Variants in FSHR observed in about 807,000 individuals in gnomAD.
The protein encoded by FSHR is follicle stimulating hormone receptor, also known as follicle-stimulating hormone receptor.
In FSHR, 46 loss-of-function variants were observed where a neutral mutation model predicts 52.1. That is an observed-to-expected ratio of 0.88 (90% CI 0.70 to 1.13). The LOEUF is 1.13. Among genes scored for constraint, FSHR ranks in the 50% most tolerant of loss-of-function variants. The pLI is 0.00. For missense variants in FSHR, 964 were observed against 834.6 expected, an observed-to-expected ratio of 1.16 and a Z score of -1.91; for synonymous variants, 399 against 309.6, an observed-to-expected ratio of 1.29 and a Z score of -3.03.
chr2:49,090,827 C>T (rs1458998006), intron 1 of FSHR, among the ~76,000 whole-genome samples: 1 of 152,030 alleles, frequency 6.6e-6, no homozygotes, highest in Non-Finnish European at 1.5e-5. Flanking sequence ...TTTTATCACA[C>T]TGTGGTTTTA....
At chr2:49,060,226 C>G (rs1454423795) in intron 2 of FSHR, among the ~76,000 whole-genome samples, 3 of 151,994 alleles carry the variant, frequency 2.0e-5, no homozygotes, top group Admixed American at 2.0e-4. Context: ...GGTACCCTTA[C>G]ATATTGTTCG....
At chr2:49,082,141 C>T (rs947822595) in intron 1 of FSHR, among the ~76,000 whole-genome samples, 111 of 152,282 alleles carry the variant, frequency 7.3e-4, no homozygotes, top group African/African-American at 2.5e-3. Flanking sequence ...TCTCCCAGCA[C>T]GCAGCTGGAG....
chr2:49,027,982 T>A (rs1667968037), intron 2 of FSHR, among the ~76,000 whole-genome samples: 1 of 152,048 alleles, frequency 6.6e-6, no homozygotes, highest in Non-Finnish European at 1.5e-5. Context: ...TTCCTAGTGA[T>A]GAAAGACAAG....
intron 1 of FSHR, among the ~76,000 whole-genome samples, chr2:49,080,076 C>T (rs1046839021): frequency 4.6e-5 from 7 of 151,834 alleles, no homozygotes; most frequent in East Asian, 3.9e-4. Flanking sequence ...AAAATGCAAA[C>T]GATCAATAAA....
intron 8 of FSHR, among the ~76,000 whole-genome samples, chr2:48,980,654 C>G: frequency 6.6e-6 from 1 of 152,152 alleles, no homozygotes; most frequent in Non-Finnish European, 1.5e-5. Context: ...TTCAGGGGGC[C>G]TCACCGAATA....
At chr2:49,015,316 G>C (rs915085304) in intron 4 of FSHR, among the ~76,000 whole-genome samples, 3 of 152,170 alleles carry the variant, frequency 2.0e-5, no homozygotes, top group Non-Finnish European at 4.4e-5. Context: ...GTAGGTAAAA[G>C]CTGAAGGTCT....
intron 2 of FSHR, among the ~76,000 whole-genome samples, chr2:49,029,016 G>T (rs1448461830): frequency 1.3e-5 from 2 of 152,196 alleles, no homozygotes; most frequent in African/African-American, 4.8e-5. Context: ...CATCAGGGCA[G>T]GGTAAGAGTT....
chr2:49,146,902 G>T (rs1290275289), intron 1 of FSHR, among the ~76,000 whole-genome samples: 1 of 151,974 alleles, frequency 6.6e-6, no homozygotes, highest in Admixed American at 6.6e-5. Flanking sequence ...GGGCTCAGCT[G>T]TGCATTCTTG....
intron 1 of FSHR, among the ~76,000 whole-genome samples, chr2:49,110,317 G>T (rs1671378482): frequency 1.3e-5 from 2 of 152,130 alleles, no homozygotes; most frequent in Non-Finnish European, 2.9e-5. Context: ...GGAAGTGGTG[G>T]TCTCAAGATT....
intron 1 of FSHR, among the ~76,000 whole-genome samples, chr2:49,093,294 A>T (rs1255007420): frequency 6.6e-6 from 1 of 152,224 alleles, no homozygotes; most frequent in African/African-American, 2.4e-5. Flanking sequence ...TAGGAGTGTT[A>T]AAACGTCCAA....
At chr2:49,010,414 GCTGGATTCAGTTT>G (rs948154421) in intron 4 of FSHR, among the ~76,000 whole-genome samples, 45 of 152,202 alleles carry the variant, frequency 3.0e-4, no homozygotes, top group Non-Finnish European at 1.6e-4. Context: ...TTGATGTGTT[GCTGGATTCAGTTT>G]GCCAGTATTT....
intron 1 of FSHR, among the ~76,000 whole-genome samples, chr2:49,133,831 T>C (rs1672387564): frequency 6.6e-6 from 1 of 152,202 alleles, no homozygotes; most frequent in African/African-American, 2.4e-5. Flanking sequence ...GGATTCCCTA[T>C]TTAATAAATG....
At chr2:49,137,046 C>T (rs1190661541) in intron 1 of FSHR, among the ~76,000 whole-genome samples, 1 of 152,042 alleles carries the variant, frequency 6.6e-6, no homozygotes, top group Non-Finnish European at 1.5e-5. Flanking sequence ...AAAAGGCATA[C>T]AGACTAGAAA....
intron 4 of FSHR, among the ~76,000 whole-genome samples, chr2:49,014,386 C>G (rs573491095): frequency 6.6e-6 from 1 of 152,096 alleles, no homozygotes; most frequent in South Asian, 2.1e-4. Context: ...CAAAGTGAGA[C>G]AGAAAGACAC....
At chr2:48,973,399 G>T (rs1470059790) in intron 8 of FSHR, among the ~76,000 whole-genome samples, 1 of 152,208 alleles carries the variant, frequency 6.6e-6, no homozygotes, top group Non-Finnish European at 1.5e-5. Context: ...AGCTGACATT[G>T]CATGGATCAG....
chr2:49,107,721 A>G (rs1331469243), intron 1 of FSHR, among the ~76,000 whole-genome samples: 3 of 152,186 alleles, frequency 2.0e-5, no homozygotes, highest in Admixed American at 2.0e-4. Flanking sequence ...CTACAAAGTA[A>G]GAACTACTAT....
chr2:49,064,059 A>G lies in FSHR; in HGVS notation c.224+4160T>C, dbSNP rs558055808. ...ACAAAAAAAGTGGTAAGGCATGAAG[A>G]GTTTGTGTGTGTGTGTGTGTGTGTG... On this transcript the variant is annotated intron_variant, in intron 2 of 9. Coordinates refer to ENST00000406846, the MANE Select transcript of FSHR (RefSeq NM_000145.4). 2.0e-4 allele frequency among the ~76,000 whole-genome samples: 22 copies of G among 109,492 alleles called. 1 individual carries two copies. In the South Asian group the frequency reaches 6.4e-3, roughly 32 times the overall value. 71.8% of individuals were successfully genotyped at this position (109,492 alleles called of 152,430 possible).
At chr2:49,085,170 G>T in intron 1 of FSHR, among the ~76,000 whole-genome samples, 1 of 152,064 alleles carries the variant, frequency 6.6e-6, no homozygotes, top group Non-Finnish European at 1.5e-5. Flanking sequence ...CTTCATCCCT[G>T]GGATGCAAGG....
At chr2:49,032,933 C>T (rs1208111286) in intron 2 of FSHR, among the ~76,000 whole-genome samples, 1 of 152,104 alleles carries the variant, frequency 6.6e-6, no homozygotes, top group Non-Finnish European at 1.5e-5. Flanking sequence ...CCAAATGTGC[C>T]TTTGGTAGAA....
Sources: allele counts gnomAD v4.1 joint callset (sites outside exome capture counted in the v4.1 genomes callset), GRCh38; gene constraint gnomAD v4.1.1; transcripts MANE v1.5; gene names NCBI Gene and HGNC (gene_info 2026-07-23, HGNC 2026-07-21).